The following RAB31 variants were observed in gnomAD, a reference collection of about 807,000 sequenced individuals.
The protein encoded by RAB31 is ras-related protein Rab-31.
A neutral mutation model predicts 25.6 loss-of-function variants in RAB31; 21 were observed. The observed-to-expected ratio is 0.82, with a 90% confidence interval of 0.58 to 1.18. The LOEUF is 1.18. Among genes scored for constraint, RAB31 ranks in the 50% most tolerant of loss-of-function variants. The pLI is 0.00. For synonymous variants in RAB31, 87 were observed against 84.0 expected (o/e 1.04, Z -0.20); for missense variants, 196 against 250.1 (o/e 0.78, Z 1.46).
intron 1 of RAB31, among the ~76,000 whole-genome samples, chr18:9,753,213 C>A (rs915427919): frequency 2.0e-5 from 3 of 152,172 alleles, no homozygotes; most frequent in African/African-American, 7.2e-5. Flanking sequence ...CTAAAACTCA[C>A]GTTGAAACTT....
intron 1 of RAB31, among the ~76,000 whole-genome samples, chr18:9,716,608 A>G: frequency 6.6e-6 from 1 of 152,074 alleles, no homozygotes; most frequent in East Asian, 1.9e-4. Flanking sequence ...TCTGCCTCTT[A>G]TTTACCCGGG....
At chr18:9,840,313 G>A (rs2068726809) in intron 5 of RAB31, among the ~76,000 whole-genome samples, 1 of 152,110 alleles carries the variant, frequency 6.6e-6, no homozygotes, top group Non-Finnish European at 1.5e-5. Flanking sequence ...GGGTGAACTC[G>A]TTTCAGTTTA....
intron 1 of RAB31, among the ~76,000 whole-genome samples, chr18:9,741,422 C>T (rs574397291): frequency 2.9e-4 from 43 of 150,734 alleles, no homozygotes; most frequent in African/African-American, 1.0e-3. Flanking sequence ...CTCTGGGCAC[C>T]CCTGGATTGT....
In RAB31 at chr18:9,708,414, G is replaced by T. The variant is rs2067997148; in HGVS notation, c.9G>T (p.Ala3=). 6.4e-7 allele frequency: 1 copy of T among 1,568,858 alleles called. No individual in the cohort carries two copies. Among genetic ancestry groups the T allele is most frequent in the African/African-American group, 1.4e-5 (1 of 70,742 alleles). MM[A]IRELKVCLLG... is the part of the protein sequence containing the mutation. Reference sequence around the variant, plus strand: ...TGCCTGGCTGCGAGCACATGATGGCGATACGGGAGCTCAAAGTGTGCCTTC... The same window carrying T: ...TGCCTGGCTGCGAGCACATGATGGCTATACGGGAGCTCAAAGTGTGCCTTC... The change falls in exon 1 of 7, where the codon GCG becomes GCT. Residue 3 remains alanine (A), a synonymous_variant. Coordinates refer to ENST00000578921, the MANE Select transcript of RAB31 (RefSeq NM_006868.4). The surrounding 1 kb of genome is among the most constrained non-coding windows in gnomAD (Gnocchi z 6.4).
chr18:9,785,848 G>T (rs2068429247), intron 2 of RAB31, among the ~76,000 whole-genome samples: 1 of 152,198 alleles, frequency 6.6e-6, no homozygotes, highest in African/African-American at 2.4e-5. Context: ...ATCATCTGAA[G>T]TCAGGGGTTT....
intron 5 of RAB31, among the ~76,000 whole-genome samples, chr18:9,835,404 G>A (rs1162803685): frequency 6.6e-6 from 1 of 151,500 alleles, no homozygotes; most frequent in Non-Finnish European, 1.5e-5. Context: ...GGATTAAGAG[G>A]CAAAGGAATG....
chr18:9,807,935 A>T (rs1302276520), intron 3 of RAB31, among the ~76,000 whole-genome samples: 3 of 152,186 alleles, frequency 2.0e-5, no homozygotes, highest in African/African-American at 7.2e-5. Flanking sequence ...CCGTGGTGGC[A>T]CCACTGTACT....
In RAB31 at chr18:9,772,988, A is replaced by G. The variant is rs1052046764; in HGVS notation, c.40-2290A>G. 3.9e-5 allele frequency among the ~76,000 whole-genome samples: 6 copies of G among 152,290 alleles called. No individual in the cohort carries two copies. The East Asian group carries it at 7.7e-4, about 20-fold the overall frequency. ...CAGCTCAGAAATAGCAGCGGCATCA[A>G]TTGGCATCTCAGGAGCTGATGTTTT... On this transcript the variant is annotated intron_variant, in intron 1 of 6. Transcript: ENST00000578921.
At chr18:9,786,329 G>T (rs546527216) in intron 2 of RAB31, among the ~76,000 whole-genome samples, 28 of 152,344 alleles carry the variant, frequency 1.8e-4, no homozygotes, top group Non-Finnish European at 3.7e-4. Context: ...TGCCCTAAGC[G>T]TCTCTTCATC....
chr18:9,736,566 A>T (rs2068152233), intron 1 of RAB31, among the ~76,000 whole-genome samples: 1 of 152,104 alleles, frequency 6.6e-6, no homozygotes, highest in Admixed American at 6.5e-5. Context: ...GTTCATTTGT[A>T]AACCCCTTGA....
At chr18:9,757,166 T>G (rs2068264199) in intron 1 of RAB31, among the ~76,000 whole-genome samples, 1 of 152,164 alleles carries the variant, frequency 6.6e-6, no homozygotes, top group Non-Finnish European at 1.5e-5. Flanking sequence ...CCAGTGTGGG[T>G]GGCTGGGGAA....
intron 5 of RAB31, among the ~76,000 whole-genome samples, chr18:9,823,000 G>A (rs1483515550): frequency 6.6e-6 from 1 of 152,148 alleles, no homozygotes; most frequent in Admixed American, 6.5e-5. Context: ...GTCCTAAACT[G>A]GGATCAGCCC....
intron 1 of RAB31, among the ~76,000 whole-genome samples, chr18:9,739,135 A>G (rs972758483): frequency 3.3e-5 from 5 of 152,258 alleles, no homozygotes; most frequent in African/African-American, 1.2e-4. Context: ...ATAGTTGCAT[A>G]CTATATAAAT....
chr18:9,833,097 T>C (rs1204292273), intron 5 of RAB31, among the ~76,000 whole-genome samples: 2 of 152,162 alleles, frequency 1.3e-5, no homozygotes, highest in Non-Finnish European at 2.9e-5. Context: ...TACAAGAAGA[T>C]GACCCAAGAC....
At chr18:9,761,329 T>C (rs574121173) in intron 1 of RAB31, among the ~76,000 whole-genome samples, 93 of 152,272 alleles carry the variant, frequency 6.1e-4, no homozygotes, top group African/African-American at 2.0e-3. Flanking sequence ...ATGTCCTGAT[T>C]TGCAAAATGA....
At chr18:9,739,553 A>G (rs1401721489) in intron 1 of RAB31, among the ~76,000 whole-genome samples, 1 of 152,236 alleles carries the variant, frequency 6.6e-6, no homozygotes, top group East Asian at 1.9e-4. Context: ...CTAAAAAAAA[A>G]AAAAAAGTAA....
At chr18:9,758,637 C>T (rs1382427826) in intron 1 of RAB31, among the ~76,000 whole-genome samples, 1 of 152,148 alleles carries the variant, frequency 6.6e-6, no homozygotes, top group African/African-American at 2.4e-5. Context: ...GTTTACTTGT[C>T]TGTGTTCCTC....
At position 9,813,844 on chromosome 18, in the gene RAB31, C is replaced by T. The variant is rs1012283187; in HGVS notation, c.202-176C>T. Among the ~76,000 whole-genome samples the T allele has an allele frequency of 2.0e-5, 3 of 151,754 alleles. No homozygotes were observed. The East Asian group carries it at 5.8e-4, about 29-fold the overall frequency. On this transcript the variant is annotated intron_variant, in intron 3 of 6. Transcript: ENST00000578921. ...TCTAGCCTGGGTGAAAAGAGTGAAA[C>T]TCCATCTCAAAAAAATAAAATAAAA...
At chr18:9,746,546 G>A (rs1426403618) in intron 1 of RAB31, among the ~76,000 whole-genome samples, 2 of 147,808 alleles carry the variant, frequency 1.4e-5, no homozygotes, top group African/African-American at 4.9e-5. Flanking sequence ...TCAAAATAGT[G>A]TGGTACTGAC....
Sources: gnomAD v4.1 joint callset for allele counts (sites outside exome capture counted in the v4.1 genomes callset) on GRCh38, gnomAD v4.1.1 for gene constraint, Gnocchi (gnomAD v3.1) non-coding constraint, MANE v1.5 for transcripts, NCBI Gene and HGNC (gene_info 2026-07-23, HGNC 2026-07-21) for gene names.